The following ARB2A variants were observed in gnomAD, a reference collection of about 807,000 sequenced individuals.
ARB2A encodes ARB2 cotranscriptional regulator A.
chr5:93,727,438 T>C, the ARB2A span, among the ~76,000 whole-genome samples: 2 of 152,072 alleles, frequency 1.3e-5, no homozygotes, highest in South Asian at 2.1e-4. Flanking sequence ...GGATGAGCTA[T>C]ATTCTACCTG....
chr5:93,960,239 C>T, the ARB2A span, among the ~76,000 whole-genome samples: 22 of 152,182 alleles, frequency 1.4e-4, no homozygotes, highest in African/African-American at 4.1e-4. Flanking sequence ...TTTGTGCAAA[C>T]ACAGCAAAAA....
At chr5:93,741,303 C>T in the ARB2A span, 1 of 1,613,660 alleles carries the variant, frequency 6.2e-7, no homozygotes, top group South Asian at 1.1e-5. Context: ...AGTCCCCTGC[C>T]TCACTAGCTC....
chr5:93,828,009 T>G, the ARB2A span, among the ~76,000 whole-genome samples: 1 of 152,228 alleles, frequency 6.6e-6, no homozygotes, highest in African/African-American at 2.4e-5. Context: ...TAGTATAGTT[T>G]GAAGTCAGGT....
At chr5:93,676,437 A>G in the ARB2A span, among the ~76,000 whole-genome samples, 2 of 152,322 alleles carry the variant, frequency 1.3e-5, no homozygotes, top group African/African-American at 4.8e-5. Flanking sequence ...TCATTTTGCA[A>G]GCTTTCTTGC....
At chr5:93,969,305 CTGTTA>C in the ARB2A span, among the ~76,000 whole-genome samples, 1 of 151,952 alleles carries the variant, frequency 6.6e-6, no homozygotes, top group Admixed American at 6.6e-5. Flanking sequence ...TGATTATACT[CTGTTA>C]TAAGGTACTT....
At chr5:93,756,420 G>A in the ARB2A span, among the ~76,000 whole-genome samples, 1 of 152,202 alleles carries the variant, frequency 6.6e-6, no homozygotes, top group African/African-American at 2.4e-5. Context: ...AGGCCAACCA[G>A]CACAAAAATA....
chr5:93,805,381 C>T, the ARB2A span: 3 of 984,976 alleles, frequency 3.0e-6, no homozygotes, highest in African/African-American at 5.2e-5. Context: ...TTTCATGTTT[C>T]CCAGTACCTC....
the ARB2A span, among the ~76,000 whole-genome samples, chr5:93,707,709 G>C: frequency 6.6e-6 from 1 of 151,524 alleles, no homozygotes; most frequent in South Asian, 2.1e-4. Flanking sequence ...CAAATAGCTG[G>C]AATTACAGAT....
the ARB2A span, among the ~76,000 whole-genome samples, chr5:93,806,713 A>C: frequency 6.6e-6 from 1 of 151,990 alleles, no homozygotes; most frequent in Non-Finnish European, 1.5e-5. Flanking sequence ...CTAACATTTT[A>C]GTATCAAATT....
chr5:93,704,847 C>A, the ARB2A span, among the ~76,000 whole-genome samples: 1 of 152,196 alleles, frequency 6.6e-6, no homozygotes, highest in Admixed American at 6.5e-5. Context: ...AGCTATGATT[C>A]TCCACCACAT....
the ARB2A span, among the ~76,000 whole-genome samples, chr5:93,952,847 T>C: frequency 6.6e-6 from 1 of 152,148 alleles, no homozygotes; most frequent in Non-Finnish European, 1.5e-5. Context: ...TCTAGGCATG[T>C]TTCATTCTTT....
At chr5:93,819,941 T>G in the ARB2A span, among the ~76,000 whole-genome samples, 1 of 152,206 alleles carries the variant, frequency 6.6e-6, no homozygotes. Flanking sequence ...GCCAATCAAG[T>G]GCTGACAAGC....
chr5:93,817,417 T>G, the ARB2A span, among the ~76,000 whole-genome samples: 1 of 152,168 alleles, frequency 6.6e-6, no homozygotes, highest in African/African-American at 2.4e-5. Context: ...ATTAACCTAT[T>G]TAATCAATCC....
At chr5:93,933,553 C>T in the ARB2A span, among the ~76,000 whole-genome samples, 1 of 151,966 alleles carries the variant, frequency 6.6e-6, no homozygotes, top group Non-Finnish European at 1.5e-5. Context: ...AACACAGGAA[C>T]AGAAAACCAA....
the ARB2A span, among the ~76,000 whole-genome samples, chr5:93,838,043 C>G: frequency 6.6e-6 from 1 of 152,008 alleles, no homozygotes; most frequent in African/African-American, 2.4e-5. Flanking sequence ...GCTTTTGTTG[C>G]GATTGCTTTT....
the ARB2A span, among the ~76,000 whole-genome samples, chr5:93,893,686 A>C: frequency 2.0e-5 from 3 of 152,342 alleles, 1 homozygote; most frequent in Admixed American, 2.0e-4. Context: ...TATTAAAGAA[A>C]TATAACATTA....
At chr5:93,963,187 A>G in the ARB2A span, among the ~76,000 whole-genome samples, 1 of 152,036 alleles carries the variant, frequency 6.6e-6, no homozygotes, top group Admixed American at 6.6e-5. Context: ...CAGAAGACCA[A>G]ATTTCAATAT....
At chr5:93,678,074 T>C in the ARB2A span, among the ~76,000 whole-genome samples, 1 of 152,124 alleles carries the variant, frequency 6.6e-6, no homozygotes, top group African/African-American at 2.4e-5. Flanking sequence ...AATAATCCCA[T>C]TATGCAAAAA....
At chr5:93,874,048 C>T in the ARB2A span, among the ~76,000 whole-genome samples, 6 of 152,264 alleles carry the variant, frequency 3.9e-5, no homozygotes, top group Admixed American at 1.3e-4. Flanking sequence ...AACAAATTTT[C>T]CAGTTGAACT....
Sources: allele counts gnomAD v4.1 joint callset (sites outside exome capture counted in the v4.1 genomes callset), GRCh38; gene constraint gnomAD v4.1.1; transcripts MANE v1.5; gene names NCBI Gene and HGNC (gene_info 2026-07-23, HGNC 2026-07-21).